The following CHDH variants were observed in gnomAD, a reference collection of about 807,000 sequenced individuals.
CHDH encodes the protein choline dehydrogenase, mitochondrial.
CHDH carries 43 observed loss-of-function variants against 56.9 expected under a neutral mutation model. The ratio of observed to expected loss-of-function variants is 0.76; its 90% CI spans 0.59 to 0.97. CHDH has a LOEUF of 0.97. Among genes scored for constraint, CHDH ranks in the 50% least tolerant of loss-of-function variants. The pLI is 0.00. For synonymous variants in CHDH, 364 were observed against 348.5 expected (o/e 1.04, Z -0.50); for missense variants, 816 against 821.1 (o/e 0.99, Z 0.08).
At chr3:53,838,097 T>G in intron 2 of CHDH, among the ~76,000 whole-genome samples, 1 of 147,058 alleles carries the variant, frequency 6.8e-6, no homozygotes, top group Non-Finnish European at 1.5e-5. Flanking sequence ...GACTGTAAGA[T>G]TGGAAACCTG....
intron 1 of CHDH, among the ~76,000 whole-genome samples, chr3:53,845,850 C>T (rs1698858872): frequency 6.6e-6 from 1 of 152,270 alleles, no homozygotes; most frequent in South Asian, 2.1e-4. Context: ...GCAGCGGGCA[C>T]TCCTACCGCT....
At chr3:53,833,435 C>T (rs1163949735) in intron 2 of CHDH, among the ~76,000 whole-genome samples, 1 of 152,130 alleles carries the variant, frequency 6.6e-6, no homozygotes, top group African/African-American at 2.4e-5. Flanking sequence ...CTCTCAGGCC[C>T]GCAGGCTGGG....
At chr3:53,838,306 G>A (rs1370831033) in intron 2 of CHDH, among the ~76,000 whole-genome samples, 1 of 151,898 alleles carries the variant, frequency 6.6e-6, no homozygotes, top group East Asian at 1.9e-4. Context: ...ATCCCTTAGG[G>A]GCCCCTCCCA....
rs1320329971 is a variant in CHDH at position 53,817,362 on chromosome 3, C to G, written c.*415G>C. 1 of 179,804 alleles carries G rather than the reference C, an allele frequency of 5.6e-6. No individual in the cohort carries two copies. The highest frequency in any genetic ancestry group is 2.4e-5 in the African/African-American group (1 of 42,352). 11.1% of individuals were successfully genotyped at this position (179,804 alleles called of 1,614,324 possible). A position where few individuals can be genotyped will look rare whatever the true frequency, so the allele number is the denominator to read the frequency against. ...AGCTTGCAGCTCAAGAAGGAGGATG[C>G]CCCTTCCTTCGCGAACCCTCCGTGG... On this transcript the variant is annotated 3_prime_UTR_variant, in exon 9 of 9. Coordinates refer to ENST00000315251, the MANE Select transcript of CHDH (RefSeq NM_018397.5).
At chr3:53,825,707 A>T (rs960265995) in intron 2 of CHDH, among the ~76,000 whole-genome samples, 2 of 152,200 alleles carry the variant, frequency 1.3e-5, no homozygotes, top group Non-Finnish European at 2.9e-5. Flanking sequence ...AGTGCAAGAC[A>T]AAACACTATG....
chr3:53,845,217 C>T (rs568238434), intron 1 of CHDH, among the ~76,000 whole-genome samples: 1 of 152,338 alleles, frequency 6.6e-6, no homozygotes, highest in Non-Finnish European at 1.5e-5. Context: ...CTACCTGCAA[C>T]TCCACACGTA....
rs906956992 is a variant in CHDH, at chr3:53,813,659, A to G, written c.*4118T>C. 6 of 152,208 alleles carry G rather than the reference A, an allele frequency of 3.9e-5. No homozygotes were observed. Among genetic ancestry groups the G allele is most frequent in the African/African-American group, 9.6e-5 (4 of 41,458 alleles). The allele number at this position is 152,208 out of a possible 1,614,324, so 9.4% of individuals were successfully genotyped here. On this transcript the variant is annotated 3_prime_UTR_variant, in exon 9 of 9. Transcript: ENST00000315251. ...ACAAACTGGCATTCTTACAGGCTGC[A>G]CCATTTCCTAGTATGTCTGCTTTAA...
intron 2 of CHDH, among the ~76,000 whole-genome samples, chr3:53,829,837 AC>A (rs1698279355): frequency 6.6e-6 from 1 of 151,950 alleles, no homozygotes; most frequent in Non-Finnish European, 1.5e-5. Context: ...TGCCCTCCTC[AC>A]CCTATAAAGC....
chr3:53,831,952 C>CA (rs113683840), intron 2 of CHDH, among the ~76,000 whole-genome samples: 2,637 of 106,426 alleles, frequency 0.025, 63 homozygotes, highest in African/African-American at 0.069. Flanking sequence ...GACTCCATCT[C>CA]AAAAAAAAAA....
chr3:53,841,971 A>G (rs569922361), intron 1 of CHDH, among the ~76,000 whole-genome samples: 1 of 152,142 alleles, frequency 6.6e-6, no homozygotes, highest in African/African-American at 2.4e-5. Context: ...ACATAGCAAG[A>G]CCCCATTTCT....
At chr3:53,822,748 G>T in intron 3 of CHDH, 106 bp from the exon 4 acceptor site, 1 of 1,350,942 alleles carries the variant, frequency 7.4e-7, no homozygotes, top group Non-Finnish European at 1.0e-6. Context: ...AGCTCTGACT[G>T]CAAGTCCCGC....
intron 2 of CHDH, among the ~76,000 whole-genome samples, chr3:53,830,282 G>A (rs1035048096): frequency 6.6e-6 from 1 of 151,636 alleles, no homozygotes; most frequent in African/African-American, 2.4e-5. Context: ...GTTGGTCAAA[G>A]AAACCCCAGA....
At chr3:53,829,076 T>C (rs1388959382) in intron 2 of CHDH, among the ~76,000 whole-genome samples, 3 of 151,970 alleles carry the variant, frequency 2.0e-5, no homozygotes, top group Non-Finnish European at 4.4e-5. Context: ...TAAAAAGAAA[T>C]GAGCCAGAAA....
chr3:53,823,094 C>T (rs1419209929), intron 3 of CHDH, among the ~76,000 whole-genome samples: 4 of 152,088 alleles, frequency 2.6e-5, no homozygotes, highest in Non-Finnish European at 4.4e-5. Flanking sequence ...GTGCAGAGAA[C>T]GCCCAGGGTC....
At position 53,814,104 on chromosome 3, in the gene CHDH, C is replaced by A. The variant is rs529282849; in HGVS notation, c.*3673G>T. 3 of 152,196 alleles carry A rather than the reference C, an allele frequency of 2.0e-5. No individual in the cohort carries two copies. Among genetic ancestry groups the A allele is most frequent in the Non-Finnish European group, 4.4e-5 (3 of 68,036 alleles). 9.4% of individuals were successfully genotyped at this position (152,196 alleles called of 1,614,324 possible). A position where few individuals can be genotyped will look rare whatever the true frequency, so the allele number is the denominator to read the frequency against. ...GGGCTGTGAGGGCCACGTTACCTCT[C>A]GGTGCAGTCTCACCTGTGTGAGATG... is the stretch of plus-strand genomic sequence containing the variant. On this transcript the variant is annotated 3_prime_UTR_variant, in exon 9 of 9. Coordinates refer to ENST00000315251, the MANE Select transcript of CHDH (RefSeq NM_018397.5).
chr3:53,838,192 T>A (rs1315253717), intron 2 of CHDH, among the ~76,000 whole-genome samples: 1 of 151,304 alleles, frequency 6.6e-6, no homozygotes, highest in Non-Finnish European at 1.5e-5. Flanking sequence ...CTATTTCTTC[T>A]CCCTTGCAGG....
chr3:53,837,660 C>T (rs1411233400), intron 2 of CHDH, among the ~76,000 whole-genome samples: 1 of 152,174 alleles, frequency 6.6e-6, no homozygotes. Context: ...GAACCTTGTG[C>T]TCCACATTCC....
chr3:53,831,766 TAAAC>T (rs1419821367), intron 2 of CHDH, among the ~76,000 whole-genome samples: 4 of 151,980 alleles, frequency 2.6e-5, no homozygotes, highest in Non-Finnish European at 5.9e-5. Context: ...AAATGGCCAA[TAAAC>T]ACATGAAAAG....
intron 5 of CHDH, among the ~76,000 whole-genome samples, chr3:53,821,032 C>T (rs1244097421): frequency 6.6e-6 from 1 of 152,242 alleles, no homozygotes; most frequent in Non-Finnish European, 1.5e-5. Flanking sequence ...CTACACCGTC[C>T]TTGCATGAAT....
Sources: allele counts gnomAD v4.1 joint callset (sites outside exome capture counted in the v4.1 genomes callset), GRCh38; gene constraint gnomAD v4.1.1; transcripts MANE v1.5; gene names NCBI Gene and HGNC (gene_info 2026-07-23, HGNC 2026-07-21).